Variants in SYTL2 observed in about 807,000 individuals in gnomAD.
SYTL2 encodes synaptotagmin like 2, also known as synaptotagmin-like protein 2.
In SYTL2, 165 loss-of-function variants were observed where a neutral mutation model predicts 198.7. The ratio of observed to expected loss-of-function variants is 0.83; its 90% confidence interval spans 0.73 to 0.94. The LOEUF is 0.94. Ranked by LOEUF, SYTL2 falls within the 40% of genes least tolerant of loss-of-function variation. The probability of loss-of-function intolerance (pLI) is 0.00; values close to 1 mark genes in which losing one functional copy is unlikely to be tolerated. For missense variants in SYTL2, 2,835 were observed against 2,582.8 expected, an observed-to-expected ratio of 1.10 and a Z score of -2.12; for synonymous variants, 966 against 917.7, an observed-to-expected ratio of 1.05 and a Z score of -0.95.
chr11:85,758,184 A>G (rs545356484), intron 1 of SYTL2, 70 bp from the exon 2 acceptor site: 1 of 153,992 alleles, frequency 6.5e-6, no homozygotes, highest in Non-Finnish European at 1.4e-5. Context: ...TCATTACTAC[A>G]AGATTTTTAA....
chr11:85,719,152 C>A, intron 9 of SYTL2: 1 of 1,390,062 alleles, frequency 7.2e-7, no homozygotes. Flanking sequence ...GCTGCAACAG[C>A]CTCTCTATTC....
chr11:85,816,475 A>AG, the SYTL2 span, among the ~76,000 whole-genome samples: 4 of 152,236 alleles, frequency 2.6e-5, no homozygotes, highest in East Asian at 7.7e-4. Context: ...ACCAGGGGCT[A>AG]GGGAGGAGAA....
intron 1 of SYTL2, among the ~76,000 whole-genome samples, chr11:85,783,743 C>A (rs667080): frequency 2.0e-5 from 3 of 152,086 alleles, no homozygotes; most frequent in African/African-American, 7.2e-5. Context: ...AATGGCAGCA[C>A]AACTCCAGCC....
At chr11:85,709,558 A>G in intron 13 of SYTL2, 58 bp from the exon 14 acceptor site, 1 of 1,505,248 alleles carries the variant, frequency 6.6e-7, no homozygotes, top group South Asian at 1.1e-5. Flanking sequence ...ACCTAGCACA[A>G]GGATCATGGA....
intron 15 of SYTL2, among the ~76,000 whole-genome samples, chr11:85,706,931 C>A (rs1022796747): frequency 2.0e-5 from 3 of 152,108 alleles, no homozygotes; most frequent in African/African-American, 7.2e-5. Context: ...ACCTCCGCCT[C>A]CCTGGTTCAA....
rs769067131 is a variant in SYTL2, at chr11:85,734,642, G to A, written c.687C>T (p.Ser229=). The change falls in exon 7 of 20, where the codon TCC becomes TCT. Residue 229 remains serine, a synonymous_variant. Coordinates refer to ENST00000359152, the MANE Select transcript of SYTL2 (RefSeq NM_206927.4). ...CTTTGGGGATTGGAGCCTTGATTTG[G>A]GACCCATTTGAAAGGCCTGGCAAAG... is the stretch of plus-strand genomic sequence containing the variant. ...KQTLPGLSNG[S]QIKAPIPKAR... is the part of the protein sequence containing the mutation. 7.4e-6 allele frequency: 12 copies of A among 1,614,102 alleles called. No individual in the cohort carries two copies. The highest frequency in any genetic ancestry group is 3.4e-6 in the Non-Finnish European group (4 of 1,180,020).
At chr11:85,853,192 T>G in the SYTL2 span, 2 of 407,832 alleles carry the variant, frequency 4.9e-6, no homozygotes, top group Non-Finnish European at 9.7e-6. Context: ...CAGGCCATGA[T>G]GACAATGGCG....
chr11:85,748,052 A>G (rs552267926), intron 3 of SYTL2, among the ~76,000 whole-genome samples: 191 of 152,260 alleles, frequency 1.3e-3, no homozygotes, highest in South Asian at 1.9e-3. Context: ...CAGGGCACCT[A>G]AAGGGCTTCC....
chr11:85,735,841 C>T (rs936035708), intron 6 of SYTL2, among the ~76,000 whole-genome samples: 4 of 151,746 alleles, frequency 2.6e-5, no homozygotes, highest in African/African-American at 7.3e-5. Flanking sequence ...TAATCTAAAA[C>T]GTGCCCAGTG....
At chr11:85,695,875 T>A (rs1231173540) in intron 19 of SYTL2, among the ~76,000 whole-genome samples, 1 of 152,186 alleles carries the variant, frequency 6.6e-6, no homozygotes, top group Non-Finnish European at 1.5e-5. Context: ...ACTCAAAGCA[T>A]ATATTTAGCC....
At chr11:85,847,425 T>C in the SYTL2 span, among the ~76,000 whole-genome samples, 1 of 152,208 alleles carries the variant, frequency 6.6e-6, no homozygotes, top group South Asian at 2.1e-4. Flanking sequence ...ACATTCCTTT[T>C]TTTATTAAGT....
At chr11:85,783,008 T>C (rs952834229) in intron 1 of SYTL2, among the ~76,000 whole-genome samples, 2 of 152,230 alleles carry the variant, frequency 1.3e-5, no homozygotes, top group Admixed American at 6.5e-5. Flanking sequence ...TGTTACACAG[T>C]TCCAAAGCCG....
intron 1 of SYTL2, among the ~76,000 whole-genome samples, chr11:85,769,082 A>G (rs1030444582): frequency 6.6e-6 from 1 of 152,224 alleles, no homozygotes; most frequent in African/African-American, 2.4e-5. Context: ...GAAAAGGCCA[A>G]AAAAGGGCTG....
rs960728195 is a variant in SYTL2 at position 85,749,318 on chromosome 11, G to C, written c.102-895C>G. 1.6e-4 allele frequency among the ~76,000 whole-genome samples: 25 copies of C among 152,238 alleles called. No individual in the cohort carries two copies. In the East Asian group the frequency reaches 4.8e-3, roughly 29 times the overall value. ...AATAAAGTGGAATAAAAGCTGTAAG[G>C]GAACACTATACTCTTGGAAGATAAT... On this transcript the variant is annotated intron_variant, in intron 2 of 19. Transcript: ENST00000359152.
chr11:85,696,175 A>AAC lies in SYTL2; in HGVS notation c.6574+6_6574+7dup. 1 of 1,613,602 alleles carries AAC rather than the reference A, an allele frequency of 6.2e-7. No homozygotes were observed. On this transcript the variant is annotated splice_region_variant and intron_variant, in intron 19 of 19. Coordinates refer to ENST00000359152, the MANE Select transcript of SYTL2 (RefSeq NM_206927.4). ...CTCATGGAGAATTAAAAATGTAGCA[A>AAC]ACAGTACCTGTTCCAAAGCCAATAC...
chr11:85,733,370 T>A (rs1385072636), intron 7 of SYTL2, among the ~76,000 whole-genome samples: 7 of 152,160 alleles, frequency 4.6e-5, no homozygotes, highest in Non-Finnish European at 1.0e-4. Context: ...AAATAGTTGA[T>A]ATGGTTATAT....
chr11:85,797,352 G>T (rs1157031832), intron 1 of SYTL2, among the ~76,000 whole-genome samples: 2 of 151,990 alleles, frequency 1.3e-5, no homozygotes, highest in Non-Finnish European at 2.9e-5. Flanking sequence ...TTTTGGCCAG[G>T]AGCAGTGGCT....
Position 85,704,452 on chromosome 11 carries a change from G to C in SYTL2, c.6189+406C>G, listed in dbSNP as rs549409469. Among the ~76,000 whole-genome samples, 10 of 152,262 alleles carry C rather than the reference G, an allele frequency of 6.6e-5. No homozygotes were observed. In the South Asian group the frequency reaches 2.1e-3, roughly 32 times the overall value. On this transcript the variant is annotated intron_variant, in intron 16 of 19. Coordinates refer to ENST00000359152, the MANE Select transcript of SYTL2 (RefSeq NM_206927.4). Reference sequence around the variant, plus strand: ...ATTGTAACTCTCCTAGTAATTCACAGTACACACAGACATAAAACCCATGAG... The same window carrying C: ...ATTGTAACTCTCCTAGTAATTCACACTACACACAGACATAAAACCCATGAG...
At chr11:85,811,654 A>C (rs1298851902), upstream of SYTL2, among the ~76,000 whole-genome samples, 1 of 152,176 alleles carries the variant, frequency 6.6e-6, no homozygotes. Flanking sequence ...TGTTGAGAGG[A>C]CTAAATGAAG....
Sources: allele counts gnomAD v4.1 joint callset (sites outside exome capture counted in the v4.1 genomes callset), GRCh38; gene constraint gnomAD v4.1.1; transcripts MANE v1.5; gene names NCBI Gene and HGNC (gene_info 2026-07-23, HGNC 2026-07-21).